The following MAML2 variants were observed in gnomAD, a reference collection of about 807,000 sequenced individuals.
The protein encoded by MAML2 is mastermind-like protein 2.
Under a neutral mutation model 96.1 loss-of-function variants are expected in MAML2, and 22 were observed. The ratio of observed to expected loss-of-function variants is 0.23; its 90% CI spans 0.16 to 0.33. The LOEUF (loss-of-function observed/expected upper bound fraction) is 0.33. Ranked by LOEUF, MAML2 falls within the 10% of genes least tolerant of loss-of-function variation. The probability of loss-of-function intolerance (pLI) is 1.00; values close to 1 mark genes in which losing one functional copy is unlikely to be tolerated. For synonymous variants in MAML2, 561 were observed against 521.3 expected, an observed-to-expected ratio of 1.08 and a Z score of -1.04; for missense variants, 1,367 against 1,392.4, an observed-to-expected ratio of 0.98 and a Z score of 0.29.
intron 2 of MAML2, among the ~76,000 whole-genome samples, chr11:96,012,668 A>G (rs1483520825): frequency 6.6e-6 from 1 of 152,238 alleles, no homozygotes; most frequent in Admixed American, 6.5e-5. Flanking sequence ...GAAATTGATT[A>G]AACACTGTTT....
At chr11:96,297,244 C>T (rs778168407) in intron 1 of MAML2, among the ~76,000 whole-genome samples, 3 of 152,090 alleles carry the variant, frequency 2.0e-5, no homozygotes, top group Non-Finnish European at 4.4e-5. Flanking sequence ...AAAAGTTTTC[C>T]ATTTAAAGTT....
chr11:96,225,045 A>C (rs1214950185), intron 1 of MAML2, among the ~76,000 whole-genome samples: 6 of 152,100 alleles, frequency 3.9e-5, no homozygotes, highest in Non-Finnish European at 8.8e-5. Flanking sequence ...ACTCTGGGGG[A>C]GTTTCAATGT....
chr11:96,201,525 G>A (rs1565246856), intron 1 of MAML2, among the ~76,000 whole-genome samples: 1 of 152,122 alleles, frequency 6.6e-6, no homozygotes, highest in Non-Finnish European at 1.5e-5. Context: ...CCTATTTGTA[G>A]ACAAAAAAGT....
chr11:96,210,576 T>C (rs1422164899), intron 1 of MAML2, among the ~76,000 whole-genome samples: 2 of 152,168 alleles, frequency 1.3e-5, no homozygotes, highest in Admixed American at 1.3e-4. Context: ...ACTTGTTAAG[T>C]CCTCTGACAA....
intron 1 of MAML2, among the ~76,000 whole-genome samples, chr11:96,271,857 C>A (rs1301238604): frequency 1.3e-5 from 2 of 152,192 alleles, no homozygotes; most frequent in Non-Finnish European, 2.9e-5. Flanking sequence ...CAACCTGCCT[C>A]CAAGACCGCA....
At chr11:96,216,478 G>GTTATTTATTCTC (rs1379703308) in intron 1 of MAML2, among the ~76,000 whole-genome samples, 52 of 152,176 alleles carry the variant, frequency 3.4e-4, no homozygotes, top group African/African-American at 1.2e-3. Flanking sequence ...AATTTTTATT[G>GTTATTTATTCTC]TTGGTACCAT....
At chr11:96,032,866 C>T (rs549730493) in intron 2 of MAML2, among the ~76,000 whole-genome samples, 285 of 152,178 alleles carry the variant, frequency 1.9e-3, no homozygotes, top group Non-Finnish European at 3.3e-3. Flanking sequence ...CCAGCAGTTG[C>T]CAGGACTGAA....
intron 1 of MAML2, among the ~76,000 whole-genome samples, chr11:96,161,853 G>A (rs1861108118): frequency 6.6e-6 from 1 of 152,174 alleles, no homozygotes. Context: ...TTTGGTTTAG[G>A]AAATATAATC....
At chr11:96,235,302 CTT>C (rs1380368197) in intron 1 of MAML2, among the ~76,000 whole-genome samples, 1 of 152,202 alleles carries the variant, frequency 6.6e-6, no homozygotes, top group Non-Finnish European at 1.5e-5. Context: ...TAGACACACT[CTT>C]TTGTTTATGT....
chr11:96,104,378 C>T (rs1859987588), intron 1 of MAML2, among the ~76,000 whole-genome samples: 1 of 152,210 alleles, frequency 6.6e-6, no homozygotes, highest in Non-Finnish European at 1.5e-5. Flanking sequence ...TTCTCTTCTA[C>T]TTTGCTCATA....
chr11:96,282,830 A>T (rs950124739), intron 1 of MAML2, among the ~76,000 whole-genome samples: 1 of 152,224 alleles, frequency 6.6e-6, no homozygotes, highest in Non-Finnish European at 1.5e-5. Context: ...CAAAAATTGG[A>T]ATGTGACCTC....
At chr11:96,106,909 T>C (rs1860031082) in intron 1 of MAML2, among the ~76,000 whole-genome samples, 1 of 151,596 alleles carries the variant, frequency 6.6e-6, no homozygotes, top group African/African-American at 2.4e-5. Flanking sequence ...GATAAAGTGC[T>C]TCCTTACACA....
At chr11:95,987,094 T>G (rs1857839570) in intron 3 of MAML2, among the ~76,000 whole-genome samples, 1 of 152,090 alleles carries the variant, frequency 6.6e-6, no homozygotes, top group Non-Finnish European at 1.5e-5. Flanking sequence ...TCTAAGGAAA[T>G]GGGGCTTTGT....
chr11:96,304,640 C>A (rs1863439208), intron 1 of MAML2, among the ~76,000 whole-genome samples: 1 of 152,098 alleles, frequency 6.6e-6, no homozygotes, highest in African/African-American at 2.4e-5. Flanking sequence ...ATGAATGCTT[C>A]CTATTAGTCC....
At chr11:96,021,528 A>G (rs1464783764) in intron 2 of MAML2, among the ~76,000 whole-genome samples, 3 of 152,156 alleles carry the variant, frequency 2.0e-5, no homozygotes. Context: ...ACTTCTGGTT[A>G]GCTCAAGCCA....
intron 1 of MAML2, among the ~76,000 whole-genome samples, chr11:96,207,700 C>T (rs190109321): frequency 6.6e-6 from 1 of 152,346 alleles, no homozygotes; most frequent in East Asian, 1.9e-4. Flanking sequence ...GCAGTATATG[C>T]ATGGCTGTGA....
rs149098171 is a variant in MAML2 at position 95,978,534 on chromosome 11, T to C, written c.*414A>G. The C allele has an allele frequency of 2.7e-5, 6 of 224,268 alleles. No homozygotes were observed. The East Asian group carries it at 4.2e-4, about 16-fold the overall frequency. The allele number at this position is 224,268 out of a possible 1,614,324, so 13.9% of individuals were successfully genotyped here. On this transcript the variant is annotated 3_prime_UTR_variant, in exon 5 of 5. Coordinates refer to ENST00000524717, the MANE Select transcript of MAML2 (RefSeq NM_032427.4). ...GGAAAGATTAAACCATACCTATCTA[T>C]TAGAGCAAATTAAGGAGTTTGTTGC...
intron 1 of MAML2, among the ~76,000 whole-genome samples, chr11:96,102,431 T>C (rs896738293): frequency 6.6e-6 from 1 of 152,198 alleles, no homozygotes; most frequent in Non-Finnish European, 1.5e-5. Flanking sequence ...GACTTGAGCA[T>C]GGCCTTATTG....
chr11:96,075,953 C>T lies in MAML2; in HGVS notation c.2139+15939G>A, dbSNP rs148864978. Among the ~76,000 whole-genome samples, 721 of 152,298 alleles carry T rather than the reference C, an allele frequency of 4.7e-3. 7 individuals are homozygous for T. The highest frequency in any genetic ancestry group is 0.017 in the African/African-American group (686 of 41,548). ...TGTGACATTCTCATGCTTCCCCAAA[C>T]GTGAACACTGAAGTGAACCTTGGGT... On this transcript the variant is annotated intron_variant, in intron 2 of 4. Coordinates refer to ENST00000524717, the MANE Select transcript of MAML2 (RefSeq NM_032427.4).
Sources: gnomAD v4.1 joint callset for allele counts (sites outside exome capture counted in the v4.1 genomes callset) on GRCh38, gnomAD v4.1.1 for gene constraint, MANE v1.5 for transcripts, NCBI Gene and HGNC (gene_info 2026-07-23, HGNC 2026-07-21) for gene names.